The following CREB3L1 variants were observed in gnomAD, a reference collection of about 807,000 sequenced individuals.
CREB3L1 encodes cAMP responsive element binding protein 3 like 1, also known as cyclic AMP-responsive element-binding protein 3-like protein 1.
Under a neutral mutation model 54.5 loss-of-function variants are expected in CREB3L1, and 33 were observed. That is an observed-to-expected ratio of 0.61 (90% CI 0.46 to 0.81). CREB3L1 has a LOEUF of 0.81. Among genes scored for constraint, CREB3L1 ranks in the 30% least tolerant of loss-of-function variants. The pLI is 0.00. For missense variants in CREB3L1, 656 were observed against 673.3 expected (o/e 0.97, Z 0.29); for synonymous variants, 284 against 286.4 (o/e 0.99, Z 0.08).
At chr11:46,317,939 C>G (rs947857253) in intron 10 of CREB3L1, among the ~76,000 whole-genome samples, 2 of 152,198 alleles carry the variant, frequency 1.3e-5, no homozygotes, top group Admixed American at 1.3e-4. Context: ...GACCCTGGGC[C>G]GGGCGCGGTG....
At chr11:46,297,034 CT>C (rs1388045861) in intron 1 of CREB3L1, among the ~76,000 whole-genome samples, 2 of 152,194 alleles carry the variant, frequency 1.3e-5, no homozygotes, top group Non-Finnish European at 2.9e-5. Flanking sequence ...CCCTTATCGC[CT>C]GAGAAGCAGC....
intron 1 of CREB3L1, among the ~76,000 whole-genome samples, chr11:46,286,809 G>T (rs992091031): frequency 6.6e-6 from 1 of 151,466 alleles, no homozygotes; most frequent in Non-Finnish European, 1.5e-5. Flanking sequence ...CAAACAAAAA[G>T]AAAAAAGAAA....
At chr11:46,316,078 A>G in intron 8 of CREB3L1, 1 of 497,864 alleles carries the variant, frequency 2.0e-6, no homozygotes, top group Non-Finnish European at 3.6e-6. Flanking sequence ...GAGCTTCCAC[A>G]AGGTGACCCA....
intron 1 of CREB3L1, among the ~76,000 whole-genome samples, chr11:46,299,562 G>A (rs1179597822): frequency 1.3e-5 from 2 of 152,228 alleles, no homozygotes; most frequent in Non-Finnish European, 2.9e-5. Context: ...AAGAAGGACT[G>A]AGAAACTGAC....
At chr11:46,294,626 C>T (rs1939176869) in intron 1 of CREB3L1, among the ~76,000 whole-genome samples, 1 of 151,948 alleles carries the variant, frequency 6.6e-6, no homozygotes, top group South Asian at 2.1e-4. Flanking sequence ...AGGCCTGGGC[C>T]TCGTAGGAAC....
Position 46,278,084 on chromosome 11 carries a change from T to A in CREB3L1, c.-28T>A, listed in dbSNP as rs921390791. ...CCGCCCTGGAGTGAGGGAAGCCCAGTGGAAGGGGGTCCCGGGAGCCGGCTG... is the reference window on the plus strand; with the variant it reads ...CCGCCCTGGAGTGAGGGAAGCCCAGAGGAAGGGGGTCCCGGGAGCCGGCTG... On this transcript the variant is annotated 5_prime_UTR_variant, in exon 1 of 12. Coordinates refer to ENST00000621158, the MANE Select transcript of CREB3L1 (RefSeq NM_052854.4). This position sits in a 1 kb window ranked among gnomAD's most constrained non-coding sequence, Gnocchi z 4.2. The A allele has an allele frequency of 7.5e-6, 11 of 1,468,292 alleles. No individual in the cohort carries two copies. Among genetic ancestry groups the A allele is most frequent in the Non-Finnish European group, 1.0e-5 (11 of 1,078,130 alleles). 91.0% of individuals were successfully genotyped at this position (1,468,292 alleles called of 1,614,324 possible).
In CREB3L1 at chr11:46,311,271, T is replaced by C; in HGVS notation, c.753+82T>C. ...AGCACACTGGCCAGTCAGGAGGGTT[T>C]GGGGAGCCCCGAGACTGATCCCCAC... On this transcript the variant is annotated intron_variant, in intron 5 of 11. Transcript: ENST00000621158. 2.8e-6 allele frequency: 4 copies of C among 1,411,652 alleles called. No homozygotes were observed. The South Asian group carries it at 6.1e-5, about 22-fold the overall frequency. 87.4% of individuals were successfully genotyped at this position (1,411,652 alleles called of 1,614,324 possible).
At position 46,300,801 on chromosome 11, in the gene CREB3L1, C is replaced by G. The variant is rs181632254; in HGVS notation, c.331+638C>G. Among the ~76,000 whole-genome samples, 652 of 150,874 alleles carry G rather than the reference C, an allele frequency of 4.3e-3. 3 individuals are homozygous for G. The highest frequency in any genetic ancestry group is 0.014 in the African/African-American group (554 of 41,024). ...CAGGCGGATCACTAGGTCAGGAGAT[C>G]GAGACCATCCTGGCTAACACAGTGA... is the stretch of plus-strand genomic sequence containing the variant. On this transcript the variant is annotated intron_variant, in intron 2 of 11. Transcript: ENST00000621158.
chr11:46,282,013 T>C (rs1309832969), intron 1 of CREB3L1, among the ~76,000 whole-genome samples: 1 of 152,030 alleles, frequency 6.6e-6, no homozygotes, highest in African/African-American at 2.4e-5. Context: ...TGAGCAGAGG[T>C]TTGATTTGGG....
At chr11:46,315,055 G>A in intron 8 of CREB3L1, 1 of 183,032 alleles carries the variant, frequency 5.5e-6, no homozygotes, top group Middle Eastern at 4.8e-4. Flanking sequence ...ATGAGCCTGT[G>A]GTAGGTCTTT....
intron 1 of CREB3L1, among the ~76,000 whole-genome samples, chr11:46,293,319 C>A (rs1036094702): frequency 6.6e-6 from 1 of 152,230 alleles, no homozygotes; most frequent in Non-Finnish European, 1.5e-5. Context: ...GGCGGCGGCA[C>A]TCGCTGCCAT....
intron 1 of CREB3L1, among the ~76,000 whole-genome samples, chr11:46,282,009 G>A (rs1229099229): frequency 6.6e-6 from 1 of 152,194 alleles, no homozygotes; most frequent in Admixed American, 6.5e-5. Flanking sequence ...GTTTTGAGCA[G>A]AGGTTTGATT....
At chr11:46,299,886 T>G in intron 1 of CREB3L1, 49 bp from the exon 2 acceptor site, 4 of 1,452,254 alleles carry the variant, frequency 2.8e-6, no homozygotes, top group Non-Finnish European at 3.8e-6. Flanking sequence ...TGCACCCCCT[T>G]CCCAAGCAAA....
chr11:46,305,931 G>C (rs1479150214), intron 2 of CREB3L1, among the ~76,000 whole-genome samples: 1 of 151,530 alleles, frequency 6.6e-6, no homozygotes, highest in Non-Finnish European at 1.5e-5. Flanking sequence ...TAGAGACGGG[G>C]TTTCACCATG....
chr11:46,277,991 C>G lies in CREB3L1; in HGVS notation c.-121C>G. 87 of 282,124 alleles carry G rather than the reference C, an allele frequency of 3.1e-4. No homozygotes were observed. The highest frequency in any genetic ancestry group is 1.1e-3 in the Middle Eastern group (1 of 872). 17.5% of individuals were successfully genotyped at this position (282,124 alleles called of 1,614,324 possible). On this transcript the variant is annotated 5_prime_UTR_variant, in exon 1 of 12. Transcript: ENST00000621158. ...GCCTCCGTCCGCCCCTCCCCCGGGG[C>G]TTCGCCCCGGACCTGCCCCCCGCCC...
intron 2 of CREB3L1, among the ~76,000 whole-genome samples, chr11:46,303,402 T>A (rs1264423998): frequency 1.3e-5 from 2 of 152,116 alleles, no homozygotes; most frequent in African/African-American, 2.4e-5. Context: ...CCCAGCACTT[T>A]GGGAAGCCGA....
intron 1 of CREB3L1, among the ~76,000 whole-genome samples, chr11:46,296,662 T>C (rs1939215361): frequency 6.6e-6 from 1 of 151,990 alleles, no homozygotes; most frequent in South Asian, 2.1e-4. Context: ...GGCCTAGGGA[T>C]GATGGGACGC....
At chr11:46,311,322 T>C (rs1395915757) in intron 5 of CREB3L1, 133 bp downstream of exon 5, 1 of 1,203,380 alleles carries the variant, frequency 8.3e-7, no homozygotes, top group African/African-American at 1.6e-5. Flanking sequence ...GAGGGATGCT[T>C]ACCTGGCAGA....
rs111444829 is a variant in CREB3L1 at position 46,300,084 on chromosome 11, G to A, written c.252G>A (p.Ala84=). Residue 84 remains alanine (A), a synonymous_variant, in exon 2 of 12, where the codon GCG becomes GCA. Transcript: ENST00000621158. ...ELDSPTPGIQ[A]EHSYSLSGDS... ...ACTCCCCTACGCCAGGCATCCAGGC[G>A]GAGCACAGCTACTCCCTGAGCGGCG... is the stretch of plus-strand genomic sequence containing the variant. The A allele has an allele frequency of 6.7e-5, 108 of 1,613,814 alleles. No homozygotes were observed. The highest frequency in any genetic ancestry group is 5.7e-4 in the African/African-American group (43 of 75,016).
Sources: allele counts gnomAD v4.1 joint callset (sites outside exome capture counted in the v4.1 genomes callset), GRCh38; gene constraint gnomAD v4.1.1; non-coding constraint Gnocchi (gnomAD v3.1); transcripts MANE v1.5; gene names NCBI Gene and HGNC (gene_info 2026-07-23, HGNC 2026-07-21).